The following FAT2 variants were observed in gnomAD, a reference collection of about 807,000 sequenced individuals.
FAT2 encodes protocadherin Fat 2.
FAT2 carries 150 observed loss-of-function variants against 295.3 expected under a neutral mutation model. The observed-to-expected ratio is 0.51, with a 90% CI of 0.44 to 0.58. The LOEUF (loss-of-function observed/expected upper bound fraction) is 0.58, where lower values mean the gene tolerates loss of function less well. Ranked by LOEUF, FAT2 falls within the 20% of genes least tolerant of loss-of-function variation. FAT2 has a pLI of 0.00. For missense variants in FAT2, 4,868 were observed against 5,442.7 expected (o/e 0.89, Z 3.32); for synonymous variants, 2,026 against 2,150.3 (o/e 0.94, Z 1.60).
chr5:151,594,358 C>T (rs1759510492), upstream of FAT2, among the ~76,000 whole-genome samples: 1 of 152,190 alleles, frequency 6.6e-6, no homozygotes, highest in Non-Finnish European at 1.5e-5. Context: ...ATATCTAACT[C>T]AGTGGTTCTC....
At chr5:151,523,658 G>T (rs1753711417) in intron 18 of FAT2, among the ~76,000 whole-genome samples, 4 of 152,182 alleles carry the variant, frequency 2.6e-5, no homozygotes, top group Admixed American at 2.6e-4. Context: ...AGAATACAGA[G>T]GTCAGGAAGC....
Position 151,537,799 on chromosome 5 carries a change from G to T in FAT2, c.9187C>A (p.His3063Asn), listed in dbSNP as rs1755615717. ...TGCAGCTCAGGAAACCCACCTGTAT[G>T]AGGATCCAGCTTGAATTCATGCGCC... is the stretch of plus-strand genomic sequence containing the variant. ...PGAHEFKLDP[H>N]TGELTTLTAL... is the part of the protein sequence containing the mutation. The change falls in exon 12 of 24, where the codon CAT becomes AAT. Residue 3063 changes from histidine to asparagine, a missense_variant. Physicochemically the swap from His to Asn is moderately conservative, Grantham distance 68 (BLOSUM62 1). Transcript: ENST00000261800. 6.2e-7 allele frequency: 1 copy of T among 1,610,208 alleles called. No individual in the cohort carries two copies. The highest frequency in any genetic ancestry group is 1.3e-5 in the African/African-American group (1 of 74,930).
chr5:151,539,267 T>C (rs1755853020), intron 11 of FAT2, among the ~76,000 whole-genome samples: 2 of 152,212 alleles, frequency 1.3e-5, no homozygotes, highest in Admixed American at 1.3e-4. Flanking sequence ...TTTATGTGAC[T>C]GGCATGTAGA....
At chr5:151,591,129 C>G (rs1000425715) in intron 1 of FAT2, among the ~76,000 whole-genome samples, 36 bp downstream of exon 1, 10 of 152,256 alleles carry the variant, frequency 6.6e-5, no homozygotes, top group African/African-American at 1.4e-4. Context: ...TTTGCTGCCC[C>G]CCTCCCGCAT....
At chr5:151,569,508 G>A (rs1280508926) in intron 1 of FAT2, among the ~76,000 whole-genome samples, 1 of 152,154 alleles carries the variant, frequency 6.6e-6, no homozygotes, top group East Asian at 1.9e-4. Context: ...GATGAGATTT[G>A]GGTGGGAACA....
intron 1 of FAT2, among the ~76,000 whole-genome samples, chr5:151,578,353 C>A (rs987997464): frequency 3.9e-5 from 6 of 152,232 alleles, no homozygotes; most frequent in Admixed American, 2.0e-4. Flanking sequence ...CCAACTGGGG[C>A]AACCTTGAAT....
upstream of FAT2, among the ~76,000 whole-genome samples, chr5:151,594,595 G>A (rs1041181344): frequency 3.3e-5 from 5 of 152,168 alleles, no homozygotes; most frequent in South Asian, 4.1e-4. Context: ...GGGTGCCGCC[G>A]TAGGCTTCTA....
intron 1 of FAT2, among the ~76,000 whole-genome samples, chr5:151,583,346 A>G (rs1759038465): frequency 6.6e-6 from 1 of 152,232 alleles, no homozygotes; most frequent in African/African-American, 2.4e-5. Context: ...ATGGTCATAT[A>G]ATGGAATACT....
At chr5:151,591,460 G>A (rs936177169), upstream of FAT2, among the ~76,000 whole-genome samples, 2 of 152,190 alleles carry the variant, frequency 1.3e-5, no homozygotes, top group South Asian at 2.1e-4. Context: ...CAGAACTCAC[G>A]GTGGGGAATC....
intron 9 of FAT2, among the ~76,000 whole-genome samples, chr5:151,548,690 A>G (rs973699993): frequency 6.6e-6 from 1 of 152,178 alleles, no homozygotes; most frequent in Non-Finnish European, 1.5e-5. Context: ...CATGTTGGCT[A>G]GGCGGGTCTC....
chr5:151,566,052 C>G lies in FAT2; in HGVS notation c.2880G>C (p.Val960=), dbSNP rs771260344. 1.9e-5 allele frequency: 30 copies of G among 1,614,046 alleles called. No individual in the cohort carries two copies. The highest frequency in any genetic ancestry group is 2.5e-5 in the Non-Finnish European group (30 of 1,180,050). ...GGGCGCCATCCATCAGAACATATCG[C>G]ACTTCACCTGCGGGGCCCAGGTCAG... is the stretch of plus-strand genomic sequence containing the variant. ...SDPDLGPAGE[V]RYVLMDGAHG... Residue 960 remains valine (V), a synonymous_variant, in exon 2 of 24, where the codon GTG becomes GTC. Coordinates refer to ENST00000261800, the MANE Select transcript of FAT2 (RefSeq NM_001447.3).
intron 19 of FAT2, among the ~76,000 whole-genome samples, chr5:151,518,365 A>ATTATTATTATTATTATT (rs1554124031): frequency 1.1e-3 from 77 of 69,152 alleles, no homozygotes; most frequent in South Asian, 3.6e-3. Flanking sequence ...TAATAATAAT[A>ATTATTATTATTATTATT]ATAATAATAA....
chr5:151,531,388 G>A lies in FAT2; in HGVS notation c.9811+199C>T, dbSNP rs1754577970. On this transcript the variant is annotated intron_variant, in intron 14 of 23. Coordinates refer to ENST00000261800, the MANE Select transcript of FAT2 (RefSeq NM_001447.3). This position sits in a 1 kb window ranked among gnomAD's most constrained non-coding sequence, Gnocchi z 5.7. ...GGACGTGGGAGGGTCCCGTTTAAGG[G>A]AGGCTCCCACATAAGCTGGCCCCAG... Among the ~76,000 whole-genome samples the A allele has an allele frequency of 6.6e-6, 1 of 152,170 alleles. No homozygotes were observed. Among genetic ancestry groups the A allele is most frequent in the African/African-American group, 2.4e-5 (1 of 41,456 alleles).
rs748256749 is a variant in FAT2, at chr5:151,542,361, G to T, written c.8766C>A (p.Gly2922=). 3.3e-5 allele frequency: 53 copies of T among 1,613,910 alleles called. No individual in the cohort carries two copies. Among genetic ancestry groups the T allele is most frequent in the Admixed American group, 6.7e-5 (4 of 59,982 alleles). Residue 2922 remains glycine (G), a synonymous_variant, in exon 10 of 24, where the codon GGC becomes GGA. Coordinates refer to ENST00000261800, the MANE Select transcript of FAT2 (RefSeq NM_001447.3). ...RGSVVENSEP[G]ELVATLKTLD... ...GGGTCTTTAGAGTCGCCACCAGTTC[G>T]CCAGGCTCACTGTTCTCAACCACAG...
chr5:151,570,993 C>T (rs1161665811), intron 1 of FAT2, among the ~76,000 whole-genome samples: 1 of 152,138 alleles, frequency 6.6e-6, no homozygotes, highest in East Asian at 1.9e-4. Context: ...AGCTTCCCTA[C>T]CACCCGCCTC....
intron 12 of FAT2, among the ~76,000 whole-genome samples, chr5:151,537,330 A>G (rs1366815817): frequency 6.0e-4 from 1 of 1,660 alleles, no homozygotes; most frequent in Non-Finnish European, 1.6e-3. Context: ...AGAAAAAAAG[A>G]AAGAAAAGAA....
rs1758249502 is a variant in FAT2 at position 151,566,104 on chromosome 5, A to T, written c.2828T>A (p.Val943Asp). 1 of 1,613,976 alleles carries T rather than the reference A, an allele frequency of 6.2e-7. No homozygotes were observed. Residue 943 changes from valine to aspartate, a missense_variant, in exon 2 of 24, where the codon GTC (valine) becomes GAC (aspartate). Coordinates refer to ENST00000261800, the MANE Select transcript of FAT2 (RefSeq NM_001447.3). The stretch of plus-strand genomic sequence containing the variant: ...ATCAGAGGCATCCAGAAATGTCAAG[A>T]CAGTCCCGGGGGGCAGGTCCTCTGG... ...KVPEDLPPGTVLTFLDASDPD... is the reference protein window; with the variant it reads ...KVPEDLPPGTDLTFLDASDPD...
rs759961127 is a variant in FAT2 at position 151,545,095 on chromosome 5, A to G, written c.6032T>C (p.Met2011Thr). 36 of 1,614,050 alleles carry G rather than the reference A, an allele frequency of 2.2e-5. No individual in the cohort carries two copies. Among genetic ancestry groups the G allele is most frequent in the Non-Finnish European group, 2.9e-5 (34 of 1,180,030 alleles). ...LSYFLLNGTD[M>T]FHMVQSAGVL... Reference sequence around the variant, plus strand: ...ACCTGCTGACTGGACCATATGAAACATATCTGTGCCATTCAAGAGAAAGTA... The same window carrying G: ...ACCTGCTGACTGGACCATATGAAACGTATCTGTGCCATTCAAGAGAAAGTA... Residue 2011 changes from methionine to threonine, a missense_variant, in exon 10 of 24, where the codon ATG (methionine) becomes ACG (threonine). Transcript: ENST00000261800.
Position 151,509,582 on chromosome 5 carries a change from A to G in FAT2, c.12059+439T>C, listed in dbSNP as rs1761159326. The G allele has an allele frequency of 4.3e-5, 7 of 163,970 alleles. No homozygotes were observed. In the South Asian group the frequency reaches 1.2e-3, roughly 28 times the overall value. 10.2% of individuals were successfully genotyped at this position (163,970 alleles called of 1,614,324 possible). On this transcript the variant is annotated intron_variant, in intron 22 of 23. Transcript: ENST00000261800. ...TGTGCATGTAAGGGATCTAGTTTGCATGCTCCTTATAAGGAGCATATATCT... is the reference window on the plus strand; with the variant it reads ...TGTGCATGTAAGGGATCTAGTTTGCGTGCTCCTTATAAGGAGCATATATCT...
Sources: gnomAD v4.1 joint callset for allele counts (sites outside exome capture counted in the v4.1 genomes callset) on GRCh38, gnomAD v4.1.1 for gene constraint, Gnocchi (gnomAD v3.1) non-coding constraint, MANE v1.5 for transcripts, NCBI Gene and HGNC (gene_info 2026-07-23, HGNC 2026-07-21) for gene names.